The following KCTD8 variants were observed in gnomAD, a reference collection of about 807,000 sequenced individuals.
KCTD8 encodes potassium channel tetramerization domain containing 8.
In KCTD8, 27 loss-of-function variants were observed where a neutral mutation model predicts 31.5. The ratio of observed to expected loss-of-function variants is 0.86; its 90% CI spans 0.63 to 1.18. The LOEUF (loss-of-function observed/expected upper bound fraction) is 1.18. KCTD8 is among the 50% of genes most tolerant of loss of function. The pLI is 0.00. For synonymous variants in KCTD8, 290 were observed against 280.0 expected (o/e 1.04, Z -0.36); for missense variants, 658 against 647.7 (o/e 1.02, Z -0.17).
intron 1 of KCTD8, among the ~76,000 whole-genome samples, chr4:44,346,717 T>G (rs568918302): frequency 6.6e-6 from 1 of 152,274 alleles, no homozygotes; most frequent in African/African-American, 2.4e-5. Context: ...TGACTGACCC[T>G]TCTTACTTCT....
chr4:44,414,701 T>G (rs1259995128), intron 1 of KCTD8, among the ~76,000 whole-genome samples: 1 of 152,188 alleles, frequency 6.6e-6, no homozygotes, highest in South Asian at 2.1e-4. Context: ...ATAATACATT[T>G]ATTGATATAG....
rs185101989 is a variant in KCTD8, at chr4:44,365,669, C to A, written c.961+81894G>T. On this transcript the variant is annotated intron_variant, in intron 1 of 1. Transcript: ENST00000360029. Reference sequence around the variant, plus strand: ...GGGATAGAGGACAGTATCACCCAAACGGATAAAGATTAAATTACTGCAAAC... The same window carrying A: ...GGGATAGAGGACAGTATCACCCAAAAGGATAAAGATTAAATTACTGCAAAC... 2.0e-4 allele frequency among the ~76,000 whole-genome samples: 31 copies of A among 152,092 alleles called. 1 individual carries two copies. The highest frequency in any genetic ancestry group is 2.9e-5 in the Non-Finnish European group (2 of 68,014).
chr4:44,285,934 C>T (rs976578098), intron 1 of KCTD8, among the ~76,000 whole-genome samples: 1 of 151,772 alleles, frequency 6.6e-6, no homozygotes. Flanking sequence ...AAAATATTAA[C>T]AGGAGTTAAT....
chr4:44,293,808 A>G, intron 1 of KCTD8: 1 of 453,548 alleles, frequency 2.2e-6, no homozygotes, highest in Non-Finnish European at 4.4e-6. Context: ...CGTAAGATTG[A>G]GCACAAAGAC....
At position 44,253,040 on chromosome 4, in the gene KCTD8, T is replaced by C. The variant is rs191518726; in HGVS notation, c.962-77790A>G. On this transcript the variant is annotated intron_variant, in intron 1 of 1. Transcript: ENST00000360029. The stretch of plus-strand genomic sequence containing the variant: ...ATTCAATTTTTTTTCCTGAAGGAGA[T>C]TATCAAAGTTCCATACATATTGTAA... Among the ~76,000 whole-genome samples the C allele has an allele frequency of 2.3e-3, 355 of 151,866 alleles. 1 individual carries two copies. The highest frequency in any genetic ancestry group is 3.5e-3 in the Non-Finnish European group (237 of 67,782).
chr4:44,363,346 C>T (rs918811562), intron 1 of KCTD8, among the ~76,000 whole-genome samples: 2 of 152,048 alleles, frequency 1.3e-5, no homozygotes, highest in Admixed American at 6.6e-5. Context: ...TGATGTGTTC[C>T]TACAAATTGT....
At chr4:44,251,341 T>A (rs933099520) in intron 1 of KCTD8, among the ~76,000 whole-genome samples, 10 of 151,816 alleles carry the variant, frequency 6.6e-5, no homozygotes, top group African/African-American at 2.4e-4. Context: ...CAGGATCTAT[T>A]TGACAAATTC....
At chr4:44,214,807 A>G (rs2109345209) in intron 1 of KCTD8, among the ~76,000 whole-genome samples, 2 of 152,338 alleles carry the variant, frequency 1.3e-5, no homozygotes, top group Middle Eastern at 6.8e-3. Flanking sequence ...CTGCCTTTTC[A>G]GAACTAACCA....
chr4:44,290,340 C>A (rs913338971), intron 1 of KCTD8, among the ~76,000 whole-genome samples: 1 of 152,096 alleles, frequency 6.6e-6, no homozygotes, highest in Non-Finnish European at 1.5e-5. Context: ...CTCACAAAAA[C>A]ACACAGATAG....
intron 1 of KCTD8, among the ~76,000 whole-genome samples, chr4:44,445,857 G>T (rs1721924010): frequency 6.6e-6 from 1 of 152,076 alleles, no homozygotes; most frequent in African/African-American, 2.4e-5. Context: ...GTTGACAAAG[G>T]TCACAATGAT....
chr4:44,200,765 C>G (rs1714120283), intron 1 of KCTD8, among the ~76,000 whole-genome samples: 1 of 152,042 alleles, frequency 6.6e-6, no homozygotes, highest in African/African-American at 2.4e-5. Context: ...GATGTCCATT[C>G]TCAACATTCC....
chr4:44,411,385 A>C (rs78636023), intron 1 of KCTD8, among the ~76,000 whole-genome samples: 13,055 of 145,264 alleles, frequency 0.09, 231 homozygotes, highest in African/African-American at 0.17. Flanking sequence ...CTCAAAAAAA[A>C]AAAAAAAAAA....
Position 44,174,952 on chromosome 4 carries a change from G to C in KCTD8, c.1260C>G (p.Ser420=). Residue 420 remains serine (S), a synonymous_variant, in exon 2 of 2, where the codon TCC becomes TCG. Coordinates refer to ENST00000360029, the MANE Select transcript of KCTD8 (RefSeq NM_198353.3). ...TCTTTTTGGACAGATTTGTTTCCCGGGACTTGCTGATGAGGGTCTGAAAGA... is the reference window on the plus strand; with the variant it reads ...TCTTTTTGGACAGATTTGTTTCCCGCGACTTGCTGATGAGGGTCTGAAAGA... ...SELFQTLISK[S]RETNLSKKKV... 1.2e-6 allele frequency: 2 copies of C among 1,613,982 alleles called. No homozygotes were observed. Among genetic ancestry groups the C allele is most frequent in the Non-Finnish European group, 1.7e-6 (2 of 1,179,984 alleles).
chr4:44,366,470 C>T (rs990289937), intron 1 of KCTD8, among the ~76,000 whole-genome samples: 9 of 152,200 alleles, frequency 5.9e-5, no homozygotes, highest in Non-Finnish European at 1.2e-4. Flanking sequence ...TGCTTGCTTC[C>T]TCTTTGCCTT....
intron 1 of KCTD8, among the ~76,000 whole-genome samples, chr4:44,236,343 G>A (rs1028082448): frequency 2.6e-5 from 4 of 152,150 alleles, no homozygotes; most frequent in Non-Finnish European, 5.9e-5. Flanking sequence ...AGGGTTCCAG[G>A]ATGGGTCCAT....
At chr4:44,340,058 C>CA (rs935444473) in intron 1 of KCTD8, among the ~76,000 whole-genome samples, 3 of 151,780 alleles carry the variant, frequency 2.0e-5, no homozygotes, top group African/African-American at 4.8e-5. Context: ...CAGGGAAATA[C>CA]AAAAAAAGAC....
At chr4:44,264,897 C>G (rs935815610) in intron 1 of KCTD8, among the ~76,000 whole-genome samples, 7 of 152,200 alleles carry the variant, frequency 4.6e-5, no homozygotes, top group African/African-American at 9.6e-5. Flanking sequence ...GAAGCTTGAA[C>G]TGGGTGGAGC....
intron 1 of KCTD8, among the ~76,000 whole-genome samples, chr4:44,184,208 G>A (rs1426791046): frequency 3.9e-5 from 6 of 152,176 alleles, no homozygotes; most frequent in African/African-American, 1.4e-4. Context: ...AGGCTGATTT[G>A]TGATTGGAGT....
chr4:44,268,345 C>G lies in KCTD8; in HGVS notation c.962-93095G>C, dbSNP rs867084848. 4.6e-4 allele frequency among the ~76,000 whole-genome samples: 70 copies of G among 151,676 alleles called. No homozygotes were observed. In the Middle Eastern group the frequency reaches 0.014, roughly 30 times the overall value. The stretch of plus-strand genomic sequence containing the variant: ...AAGGCCTTTGACAAAATTCAACAAC[C>G]CTTCATGCTAAAAACTCTCAAGAAA... On this transcript the variant is annotated intron_variant, in intron 1 of 1. Transcript: ENST00000360029.
Sources: allele counts gnomAD v4.1 joint callset (sites outside exome capture counted in the v4.1 genomes callset), GRCh38; gene constraint gnomAD v4.1.1; transcripts MANE v1.5; gene names NCBI Gene and HGNC (gene_info 2026-07-23, HGNC 2026-07-21).